SLC39A11: variants seen among roughly 807,000 people sequenced by gnomAD.
SLC39A11 encodes the protein zinc transporter ZIP11.
Under a neutral mutation model 36.1 loss-of-function variants are expected in SLC39A11, and 33 were observed. The ratio of observed to expected loss-of-function variants is 0.91; its 90% CI spans 0.69 to 1.22. The LOEUF is 1.22. Ranked by LOEUF, SLC39A11 falls within the 50% of genes most tolerant of loss-of-function variation. SLC39A11 has a pLI of 0.00. For missense variants in SLC39A11, 432 were observed against 430.3 expected, an observed-to-expected ratio of 1.00 and a Z score of -0.03; for synonymous variants, 166 against 170.3, an observed-to-expected ratio of 0.97 and a Z score of 0.20.
At chr17:72,784,996 A>C (rs2076457991) in intron 6 of SLC39A11, among the ~76,000 whole-genome samples, 1 of 151,604 alleles carries the variant, frequency 6.6e-6, no homozygotes, top group African/African-American at 2.4e-5. Flanking sequence ...AGTAGCTGGG[A>C]TTACAGGTAC....
intron 6 of SLC39A11, among the ~76,000 whole-genome samples, chr17:72,827,296 T>C (rs1242186591): frequency 6.6e-6 from 1 of 152,188 alleles, no homozygotes; most frequent in Admixed American, 6.5e-5. Flanking sequence ...GCCAAATTCA[T>C]AGAGACAAAA....
At chr17:73,056,176 T>G (rs1233958078) in intron 3 of SLC39A11, among the ~76,000 whole-genome samples, 1 of 149,804 alleles carries the variant, frequency 6.7e-6, no homozygotes, top group Non-Finnish European at 1.5e-5. Context: ...TTTGTTTGTT[T>G]GTTTTTTTTT....
chr17:72,890,128 G>A (rs1433470560), intron 5 of SLC39A11, among the ~76,000 whole-genome samples: 1 of 152,094 alleles, frequency 6.6e-6, no homozygotes, highest in East Asian at 1.9e-4. Flanking sequence ...AGCTGGGCAT[G>A]GTGGCAGGTG....
chr17:72,927,581 C>A (rs145603389), intron 5 of SLC39A11, among the ~76,000 whole-genome samples: 1 of 152,068 alleles, frequency 6.6e-6, no homozygotes, highest in African/African-American at 2.4e-5. Flanking sequence ...ATTTCAGTAG[C>A]GAAAATTCAA....
chr17:73,035,059 C>G (rs1239066236), intron 3 of SLC39A11, among the ~76,000 whole-genome samples: 2 of 152,204 alleles, frequency 1.3e-5, no homozygotes, highest in African/African-American at 4.8e-5. Flanking sequence ...GGAAAACCAC[C>G]AAAGAACAAT....
chr17:73,063,510 A>C (rs549408771), intron 3 of SLC39A11, among the ~76,000 whole-genome samples: 1 of 152,124 alleles, frequency 6.6e-6, no homozygotes, highest in East Asian at 1.9e-4. Flanking sequence ...AGCTACTCTA[A>C]AGGCTGAGGC....
At chr17:72,852,225 A>T (rs2079381653) in intron 5 of SLC39A11, among the ~76,000 whole-genome samples, 1 of 147,572 alleles carries the variant, frequency 6.8e-6, no homozygotes, top group African/African-American at 2.5e-5. Context: ...AAAAAAAAAA[A>T]AAACAGAAAG....
Position 73,004,173 on chromosome 17 carries a change from AAG to A in SLC39A11, c.306+27381_306+27382del, listed in dbSNP as rs1491178707. ...AAAGAAAGAAGGAAAAAAAGAAAGA[AAG>A]AAAGAAAGAAAGAAAGAAAGAAAGA... On this transcript the variant is annotated intron_variant, in intron 4 of 9. Coordinates refer to ENST00000255559, the MANE Select transcript of SLC39A11 (RefSeq NM_139177.4). Among the ~76,000 whole-genome samples the A allele has an allele frequency of 6.4e-3, 432 of 67,638 alleles. 7 individuals are homozygous for A. Among genetic ancestry groups the A allele is most frequent in the African/African-American group, 0.02 (314 of 15,614 alleles). The allele number at this position is 67,638 out of a possible 152,430, so 44.4% of individuals were successfully genotyped here. A position where few individuals can be genotyped will look rare whatever the true frequency, so the allele number is the denominator to read the frequency against.
At chr17:72,931,591 GGCTCAGCTGCCC>G (rs2084400611) in intron 5 of SLC39A11, among the ~76,000 whole-genome samples, 1 of 152,210 alleles carries the variant, frequency 6.6e-6, no homozygotes, top group Admixed American at 6.5e-5. Flanking sequence ...GGGAGCCATG[GGCTCAGCTGCCC>G]GGCCCCCTCC....
At chr17:72,863,807 T>C (rs1424468241) in intron 5 of SLC39A11, among the ~76,000 whole-genome samples, 12 of 152,334 alleles carry the variant, frequency 7.9e-5, no homozygotes, top group South Asian at 4.1e-4. Context: ...CTTTACTTAA[T>C]TGAAATCCAG....
At chr17:72,705,041 C>T (rs765829612) in intron 7 of SLC39A11, among the ~76,000 whole-genome samples, 7 of 152,190 alleles carry the variant, frequency 4.6e-5, no homozygotes, top group Non-Finnish European at 7.3e-5. Flanking sequence ...AAAAAATAAG[C>T]AGAGACCTGA....
intron 7 of SLC39A11, among the ~76,000 whole-genome samples, chr17:72,724,553 G>A (rs2073844163): frequency 6.6e-6 from 1 of 152,132 alleles, no homozygotes; most frequent in Admixed American, 6.6e-5. Context: ...AACATGACCA[G>A]CTACAGACAG....
intron 7 of SLC39A11, among the ~76,000 whole-genome samples, chr17:72,660,591 C>T (rs7223986): frequency 0.23 from 35,248 of 152,120 alleles, 4,611 homozygotes; most frequent in South Asian, 0.28. Context: ...TAGGGGCGGA[C>T]GCTGCCCGAC....
intron 5 of SLC39A11, among the ~76,000 whole-genome samples, chr17:72,943,324 A>G (rs1430446225): frequency 6.6e-6 from 1 of 152,230 alleles, no homozygotes; most frequent in African/African-American, 2.4e-5. Flanking sequence ...ATTTTAGAGT[A>G]GAAAACAAAG....
chr17:72,873,247 A>G (rs1213618748), intron 5 of SLC39A11, among the ~76,000 whole-genome samples: 1 of 152,070 alleles, frequency 6.6e-6, no homozygotes, highest in Non-Finnish European at 1.5e-5. Flanking sequence ...TGGGAAACCT[A>G]TACCAAGAAA....
At chr17:72,718,239 G>A (rs371921573) in intron 7 of SLC39A11, among the ~76,000 whole-genome samples, 3 of 152,194 alleles carry the variant, frequency 2.0e-5, no homozygotes, top group African/African-American at 7.2e-5. Context: ...TTTGAGGTCA[G>A]GAGTTTGAGA....
intron 9 of SLC39A11, 85 bp downstream of exon 9, chr17:72,648,718 G>A: frequency 6.5e-7 from 1 of 1,528,096 alleles, no homozygotes; most frequent in Non-Finnish European, 8.9e-7. Context: ...GGAAAGGAAA[G>A]GCAAATGAAG....
intron 7 of SLC39A11, among the ~76,000 whole-genome samples, chr17:72,704,792 C>T (rs989526270): frequency 5.3e-5 from 8 of 152,184 alleles, no homozygotes; most frequent in Non-Finnish European, 8.8e-5. Flanking sequence ...AACTGTGACC[C>T]TACCCTGAAC....
At chr17:72,806,954 C>T (rs1740340093) in intron 6 of SLC39A11, among the ~76,000 whole-genome samples, 2 of 152,198 alleles carry the variant, frequency 1.3e-5, no homozygotes, top group Admixed American at 1.3e-4. Context: ...GTAGATCCTA[C>T]TGGATTCATA....
Sources: gnomAD v4.1 joint callset for allele counts (sites outside exome capture counted in the v4.1 genomes callset) on GRCh38, gnomAD v4.1.1 for gene constraint, MANE v1.5 for transcripts, NCBI Gene and HGNC (gene_info 2026-07-23, HGNC 2026-07-21) for gene names.